The following PLCE1 variants were observed in gnomAD, a reference collection of about 807,000 sequenced individuals.
The protein encoded by PLCE1 is 1-phosphatidylinositol 4,5-bisphosphate phosphodiesterase epsilon-1.
PLCE1 carries 119 observed loss-of-function variants against 242.8 expected under a neutral mutation model. That is an observed-to-expected ratio of 0.49 (90% CI 0.42 to 0.57). The LOEUF is 0.57. Ranked by LOEUF, PLCE1 falls within the 20% of genes least tolerant of loss-of-function variation. PLCE1 has a pLI of 0.00. For missense variants in PLCE1, 2,441 were observed against 2,788.8 expected, an observed-to-expected ratio of 0.88 and a Z score of 2.81; for synonymous variants, 945 against 1,017.4, an observed-to-expected ratio of 0.93 and a Z score of 1.35.
At chr10:94,271,471 C>G (rs550126829) in intron 18 of PLCE1, among the ~76,000 whole-genome samples, 1 of 151,748 alleles carries the variant, frequency 6.6e-6, no homozygotes, top group East Asian at 1.9e-4. Context: ...CCCACCACCA[C>G]GTCTGGCTAA....
At chr10:94,048,021 G>T (rs1261987411) in intron 2 of PLCE1, among the ~76,000 whole-genome samples, 2 of 152,074 alleles carry the variant, frequency 1.3e-5, no homozygotes, top group Non-Finnish European at 1.5e-5. Flanking sequence ...TTATATAAAG[G>T]TACACTGTGT....
chr10:94,178,426 C>A (rs953833229), intron 4 of PLCE1, among the ~76,000 whole-genome samples: 3 of 152,156 alleles, frequency 2.0e-5, no homozygotes, highest in South Asian at 2.1e-4. Flanking sequence ...CTCCCCAATT[C>A]TGTGTGGTCA....
intron 17 of PLCE1, 119 bp from the exon 18 acceptor site, chr10:94,270,367 T>G (rs2051682703): frequency 5.1e-6 from 4 of 780,698 alleles, no homozygotes; most frequent in Non-Finnish European, 9.2e-6. Flanking sequence ...ACGAAAACCA[T>G]CTTTGGCCAG....
chr10:94,101,302 G>A (rs1380915577), intron 2 of PLCE1, among the ~76,000 whole-genome samples: 1 of 152,028 alleles, frequency 6.6e-6, no homozygotes, highest in East Asian at 1.9e-4. Flanking sequence ...TCAGCTCTTT[G>A]GCTCTCTGAA....
intron 13 of PLCE1, among the ~76,000 whole-genome samples, chr10:94,259,869 T>TG (rs1413082397): frequency 6.6e-6 from 1 of 152,124 alleles, no homozygotes; most frequent in Non-Finnish European, 1.5e-5. Flanking sequence ...TGGAAGAAGA[T>TG]GAAAGGCGTG....
chr10:94,199,191 A>T (rs2048916250), intron 4 of PLCE1, among the ~76,000 whole-genome samples: 2 of 152,230 alleles, frequency 1.3e-5, no homozygotes. Context: ...CTTTTATGCC[A>T]TTATTAATTG....
intron 3 of PLCE1, among the ~76,000 whole-genome samples, chr10:94,147,246 ACT>A (rs2047141932): frequency 6.6e-6 from 1 of 151,830 alleles, no homozygotes; most frequent in Admixed American, 6.6e-5. Context: ...ACATGGGGAA[ACT>A]CTGTCTCTAC....
chr10:94,133,553 C>G (rs2046673753), intron 3 of PLCE1, among the ~76,000 whole-genome samples: 1 of 152,178 alleles, frequency 6.6e-6, no homozygotes, highest in Non-Finnish European at 1.5e-5. Flanking sequence ...AGACCCAAGG[C>G]CAGCAGGCCA....
intron 2 of PLCE1, among the ~76,000 whole-genome samples, chr10:94,048,138 T>C (rs965103398): frequency 6.6e-6 from 1 of 152,252 alleles, no homozygotes; most frequent in Non-Finnish European, 1.5e-5. Context: ...TATATTCCTG[T>C]ATGTGAATAT....
intron 3 of PLCE1, among the ~76,000 whole-genome samples, chr10:94,170,819 T>C (rs2047948846): frequency 6.6e-6 from 1 of 152,178 alleles, no homozygotes; most frequent in Non-Finnish European, 1.5e-5. Flanking sequence ...ATACCTACCC[T>C]CATTTCATGT....
rs1312653010 is a variant in PLCE1, at chr10:94,132,322, A to G, written c.1355A>G (p.Glu452Gly). 1 of 1,613,882 alleles carries G rather than the reference A, an allele frequency of 6.2e-7. No individual in the cohort carries two copies. The highest frequency in any genetic ancestry group is 1.3e-5 in the African/African-American group (1 of 74,898). Residue 452 changes from glutamate to glycine, a missense_variant, in exon 3 of 33, where the codon GAG (glutamate) becomes GGG (glycine). Physicochemically the swap from Glu to Gly is moderately conservative, Grantham distance 98. Coordinates refer to ENST00000371380, the MANE Select transcript of PLCE1 (RefSeq NM_016341.4). ...LKQCVRDTVCEYRATLQRTSI... is the reference protein window; with the variant it reads ...LKQCVRDTVCGYRATLQRTSI... Reference sequence around the variant, plus strand: ...CAATGTGTCCGAGACACTGTATGTGAGTATCGCGCCACCCTCCAAAGGACT... The same window carrying G: ...CAATGTGTCCGAGACACTGTATGTGGGTATCGCGCCACCCTCCAAAGGACT...
intron 2 of PLCE1, among the ~76,000 whole-genome samples, chr10:94,066,323 A>G (rs2044195192): frequency 1.3e-5 from 2 of 152,220 alleles, no homozygotes; most frequent in South Asian, 4.1e-4. Context: ...TGGCACATAG[A>G]TAGCTCTCAG....
intron 13 of PLCE1, 132 bp downstream of exon 13, chr10:94,259,282 AG>A: frequency 3.2e-6 from 3 of 934,212 alleles, no homozygotes; most frequent in East Asian, 2.5e-5. Context: ...AAGACTTAAG[AG>A]AATTTTTTTT....
At chr10:94,021,288 A>G (rs1308954988) in intron 1 of PLCE1, among the ~76,000 whole-genome samples, 1 of 63,674 alleles carries the variant, frequency 1.6e-5, no homozygotes, top group East Asian at 4.1e-4. Context: ...AGTTCATTTT[A>G]TTGTGTTTTT....
chr10:94,161,152 G>C (rs1431894202), intron 3 of PLCE1, among the ~76,000 whole-genome samples: 2 of 152,060 alleles, frequency 1.3e-5, no homozygotes, highest in African/African-American at 2.4e-5. Flanking sequence ...AAGAAAGTTT[G>C]GTTCCATATG....
chr10:94,266,838 C>T (rs1023227082), intron 16 of PLCE1, among the ~76,000 whole-genome samples: 1 of 152,162 alleles, frequency 6.6e-6, no homozygotes, highest in Admixed American at 6.5e-5. Flanking sequence ...GCTTGCTTAG[C>T]GGGAATATGT....
At chr10:94,191,954 T>C (rs2048681051) in intron 4 of PLCE1, among the ~76,000 whole-genome samples, 1 of 152,194 alleles carries the variant, frequency 6.6e-6, no homozygotes, top group Non-Finnish European at 1.5e-5. Flanking sequence ...AACCAAATCC[T>C]TCCCATCTCC....
chr10:94,295,863 A>G (rs1484479772), intron 23 of PLCE1, among the ~76,000 whole-genome samples: 2 of 152,202 alleles, frequency 1.3e-5, no homozygotes, highest in Non-Finnish European at 2.9e-5. Context: ...ATACAGGCAG[A>G]GTAGATTTAG....
chr10:94,273,668 A>G lies in PLCE1; in HGVS notation c.4613A>G (p.Lys1538Arg). The G allele has an allele frequency of 6.2e-7, 1 of 1,613,896 alleles. No homozygotes were observed. The highest frequency in any genetic ancestry group is 8.5e-7 in the Non-Finnish European group (1 of 1,179,780). ...CAACTCAGAAAGAAAGTTCTTCTTAAAAACAAGAAGCTAAAAGCCCATCAG... is the reference window on the plus strand; with the variant it reads ...CAACTCAGAAAGAAAGTTCTTCTTAGAAACAAGAAGCTAAAAGCCCATCAG... Reference protein sequence around the residue: ...PDQLRKKVLLKNKKLKAHQTP... With the variant: ...PDQLRKKVLLRNKKLKAHQTP... Residue 1538 changes from lysine (K) to arginine (R), a missense_variant, in exon 19 of 33, where the codon AAA (lysine) becomes AGA (arginine). Around this residue, in one of 5 missense-constraint regions of PLCE1, gnomAD observed 1,004 missense variants for 1,322.7 expected, o/e 0.76. Coordinates refer to ENST00000371380, the MANE Select transcript of PLCE1 (RefSeq NM_016341.4).
Sources: gnomAD v4.1 joint callset for allele counts (sites outside exome capture counted in the v4.1 genomes callset) on GRCh38, gnomAD v4.1.1 for gene constraint, gnomAD v4.1.1 regional missense constraint, MANE v1.5 for transcripts, NCBI Gene and HGNC (gene_info 2026-07-23, HGNC 2026-07-21) for gene names.